POT1: variants seen among roughly 807,000 people sequenced by gnomAD.
POT1 encodes the protein protection of telomeres protein 1.
In POT1, 47 loss-of-function variants were observed where a neutral mutation model predicts 78.5. The observed-to-expected ratio is 0.60, with a 90% CI of 0.47 to 0.76. POT1 has a LOEUF of 0.76. Ranked by LOEUF, POT1 falls within the 30% of genes least tolerant of loss-of-function variation. The pLI, the probability that POT1 is intolerant of heterozygous loss-of-function variation, is 0.00. For missense variants in POT1, 646 were observed against 749.9 expected (o/e 0.86, Z 1.62); for synonymous variants, 259 against 260.7 (o/e 0.99, Z 0.06).
At chr7:124,918,285 T>C (rs962863) in intron 2 of POT1, among the ~76,000 whole-genome samples, 94,209 of 152,028 alleles carry the variant, frequency 0.62, 29,518 homozygotes, top group African/African-American at 0.71. Flanking sequence ...AGCTAACTAA[T>C]AACACAAGAG....
chr7:124,871,943 CTA>C (rs1444789281), intron 6 of POT1, among the ~76,000 whole-genome samples: 4 of 152,098 alleles, frequency 2.6e-5, no homozygotes, highest in African/African-American at 9.7e-5. Flanking sequence ...ACTATAGTCA[CTA>C]TGTTATACAA....
intron 11 of POT1, among the ~76,000 whole-genome samples, chr7:124,850,455 C>T (rs944109810): frequency 1.3e-5 from 2 of 152,212 alleles, no homozygotes; most frequent in Admixed American, 1.3e-4. Flanking sequence ...CGGACGGGCG[C>T]AATGGCCTGT....
chr7:124,841,198 A>T lies in POT1; in HGVS notation c.1164-20T>A. 1 of 1,584,328 alleles carries T rather than the reference A, an allele frequency of 6.3e-7. No individual in the cohort carries two copies. Among genetic ancestry groups the T allele is most frequent in the Non-Finnish European group, 8.6e-7 (1 of 1,157,206 alleles). On this transcript the variant is annotated intron_variant, in intron 13 of 18. Transcript: ENST00000357628. Reference sequence around the variant, plus strand: ...TCTTGCCTAAAATTATTGGCAATGAAATGATAGAAATCGATTTTGGTGTAA... The same window carrying T: ...TCTTGCCTAAAATTATTGGCAATGATATGATAGAAATCGATTTTGGTGTAA...
chr7:124,854,975 A>G (rs1795408509), intron 9 of POT1, among the ~76,000 whole-genome samples: 1 of 151,732 alleles, frequency 6.6e-6, no homozygotes, highest in African/African-American at 2.4e-5. Flanking sequence ...AAAGGCTTTG[A>G]TATTACAAAA....
intron 2 of POT1, among the ~76,000 whole-genome samples, chr7:124,916,128 A>T (rs1254404570): frequency 6.6e-6 from 1 of 152,162 alleles, no homozygotes; most frequent in Non-Finnish European, 1.5e-5. Context: ...CTGTCAGTTT[A>T]AAAAAAGTTA....
chr7:124,909,993 C>T (rs1796853740), intron 3 of POT1, among the ~76,000 whole-genome samples: 1 of 151,572 alleles, frequency 6.6e-6, no homozygotes, highest in Non-Finnish European at 1.5e-5. Context: ...ATAAAGCAAC[C>T]TTGCAAAAAA....
chr7:124,918,508 G>A (rs1249838356), intron 2 of POT1, among the ~76,000 whole-genome samples: 3 of 152,132 alleles, frequency 2.0e-5, no homozygotes, highest in Non-Finnish European at 2.9e-5. Context: ...TTCAGTAAAC[G>A]ACCTTTTTGG....
At chr7:124,868,610 A>G (rs1476046201) in intron 7 of POT1, among the ~76,000 whole-genome samples, 1 of 151,456 alleles carries the variant, frequency 6.6e-6, no homozygotes, top group African/African-American at 2.4e-5. Context: ...TGACCACCAC[A>G]ATAAACAATA....
At position 124,897,223 on chromosome 7, in the gene POT1, AAAAG is replaced by A. The variant is rs199955944; in HGVS notation, c.-39-15_-39-12del. On this transcript the variant is annotated splice_polypyrimidine_tract_variant and intron_variant, in intron 4 of 18. Transcript: ENST00000357628. The stretch of plus-strand genomic sequence containing the variant: ...AGATTTGACATAAACCTGAAGGAAA[AAAAG>A]AAAGAACTTATTTGTATACAGATAA... 862 of 1,316,386 alleles carry A rather than the reference AAAAG, an allele frequency of 6.5e-4. 9 individuals are homozygous for A. In the East Asian group the frequency reaches 0.015, roughly 23 times the overall value. The allele number at this position is 1,316,386 out of a possible 1,614,324, so 81.5% of individuals were successfully genotyped here. A position where few individuals can be genotyped will look rare whatever the true frequency, so the allele number is the denominator to read the frequency against.
At chr7:124,875,552 A>T (rs1014329986) in intron 6 of POT1, among the ~76,000 whole-genome samples, 3 of 152,194 alleles carry the variant, frequency 2.0e-5, no homozygotes, top group African/African-American at 7.2e-5. Context: ...ACACTGATGG[A>T]GGAAGTCATT....
chr7:124,884,139 A>G (rs1279543007), intron 6 of POT1, among the ~76,000 whole-genome samples: 1 of 152,126 alleles, frequency 6.6e-6, no homozygotes, highest in Non-Finnish European at 1.5e-5. Flanking sequence ...ATGACACTAC[A>G]TGTACATGAC....
intron 5 of POT1, among the ~76,000 whole-genome samples, chr7:124,896,622 C>T (rs549292613): frequency 6.6e-6 from 1 of 151,784 alleles, no homozygotes; most frequent in South Asian, 2.1e-4. Flanking sequence ...CAGTTTCACT[C>T]GGCTACAAGT....
intron 9 of POT1, among the ~76,000 whole-genome samples, chr7:124,857,112 G>T (rs1400040567): frequency 6.6e-6 from 1 of 152,090 alleles, no homozygotes; most frequent in Non-Finnish European, 1.5e-5. Flanking sequence ...ACTTATTTGT[G>T]ATACAATGTA....
rs1794532941 is a variant in POT1 at position 124,822,621 on chromosome 7, T to C, written c.*1341A>G. The C allele has an allele frequency of 2.3e-6, 1 of 435,648 alleles. No individual in the cohort carries two copies. The highest frequency in any genetic ancestry group is 2.0e-5 in the African/African-American group (1 of 49,738). 27.0% of individuals were successfully genotyped at this position (435,648 alleles called of 1,614,324 possible). On this transcript the variant is annotated 3_prime_UTR_variant, in exon 19 of 19. Transcript: ENST00000357628. ...CATCATCAACACGGAAACACACCTGTTCAACTGTAGGGTTTTAAAATATTT... is the reference window on the plus strand; with the variant it reads ...CATCATCAACACGGAAACACACCTGCTCAACTGTAGGGTTTTAAAATATTT...
Position 124,897,190 on chromosome 7 carries a change from T to C in POT1, c.-17A>G, listed in dbSNP as rs755084643. ...CAAAGACATTGATTCTGTAGAAAAATCTCTTAAAGATTTGACATAAACCTG... is the reference window on the plus strand; with the variant it reads ...CAAAGACATTGATTCTGTAGAAAAACCTCTTAAAGATTTGACATAAACCTG... On this transcript the variant is annotated 5_prime_UTR_variant, in exon 5 of 19. Transcript: ENST00000357628. The C allele has an allele frequency of 2.1e-6, 3 of 1,447,460 alleles. No homozygotes were observed. Among genetic ancestry groups the C allele is most frequent in the South Asian group, 1.2e-5 (1 of 82,308 alleles). The allele number at this position is 1,447,460 out of a possible 1,614,324, so 89.7% of individuals were successfully genotyped here. A position where few individuals can be genotyped will look rare whatever the true frequency, so the allele number is the denominator to read the frequency against.
intron 2 of POT1, among the ~76,000 whole-genome samples, chr7:124,927,853 T>A (rs562634674): frequency 1.3e-5 from 2 of 152,320 alleles, no homozygotes; most frequent in South Asian, 4.1e-4. Context: ...TTTCCTGAAT[T>A]TCTCTTTGCC....
At chr7:124,902,837 C>G (rs981879506) in intron 3 of POT1, among the ~76,000 whole-genome samples, 1 of 151,846 alleles carries the variant, frequency 6.6e-6, no homozygotes, top group African/African-American at 2.4e-5. Context: ...GAAGATCTAC[C>G]AAGCAAATGG....
chr7:124,892,060 C>T (rs1304891658), intron 6 of POT1, among the ~76,000 whole-genome samples: 2 of 151,450 alleles, frequency 1.3e-5, no homozygotes, highest in African/African-American at 4.8e-5. Flanking sequence ...CATTCTTTGT[C>T]CTTACTGTCT....
intron 2 of POT1, among the ~76,000 whole-genome samples, chr7:124,926,942 T>A (rs1243823317): frequency 4.0e-5 from 6 of 151,634 alleles, no homozygotes; most frequent in Admixed American, 3.9e-4. Context: ...GGATTAGGAG[T>A]GGAGTGGATG....
Sources: gnomAD v4.1 joint callset for allele counts (sites outside exome capture counted in the v4.1 genomes callset) on GRCh38, gnomAD v4.1.1 for gene constraint, MANE v1.5 for transcripts, NCBI Gene and HGNC (gene_info 2026-07-23, HGNC 2026-07-21) for gene names.